SSH2: variants seen among roughly 807,000 people sequenced by gnomAD.
SSH2 encodes the protein protein phosphatase Slingshot homolog 2.
A neutral mutation model predicts 135.2 loss-of-function variants in SSH2; 37 were observed. That is an observed-to-expected ratio of 0.27 (90% CI 0.21 to 0.36). The LOEUF is 0.36. Among genes scored for constraint, SSH2 ranks in the 10% least tolerant of loss-of-function variants. The pLI is 1.00. For missense variants in SSH2, 1,408 were observed against 1,765.3 expected, an observed-to-expected ratio of 0.80 and a Z score of 3.63; for synonymous variants, 628 against 646.2, an observed-to-expected ratio of 0.97 and a Z score of 0.43.
chr17:29,733,652 A>G (rs977021960), intron 3 of SSH2, among the ~76,000 whole-genome samples: 2 of 152,234 alleles, frequency 1.3e-5, no homozygotes, highest in African/African-American at 4.8e-5. Context: ...AACTTAACAT[A>G]GTTCATATGC....
intron 3 of SSH2, among the ~76,000 whole-genome samples, chr17:29,732,170 A>G (rs2151189038): frequency 6.6e-6 from 1 of 152,316 alleles, no homozygotes; most frequent in African/African-American, 2.4e-5. Context: ...CTTCATTTGT[A>G]AAACTAAATT....
intron 1 of SSH2, among the ~76,000 whole-genome samples, chr17:29,901,210 A>T (rs945665542): frequency 2.0e-5 from 3 of 152,120 alleles, no homozygotes; most frequent in Non-Finnish European, 4.4e-5. Context: ...GCACACCAAC[A>T]TGGCATATGT....
intron 3 of SSH2, chr17:29,761,182 G>C: frequency 7.8e-7 from 1 of 1,289,832 alleles, no homozygotes; most frequent in Non-Finnish European, 1.0e-6. Flanking sequence ...AGATGACCGC[G>C]TTGGCGGAGA....
intron 1 of SSH2, among the ~76,000 whole-genome samples, chr17:29,905,809 C>A (rs1381133971): frequency 6.6e-6 from 1 of 152,144 alleles, no homozygotes; most frequent in Non-Finnish European, 1.5e-5. Flanking sequence ...AATCTGCATG[C>A]ACTTCCTCAC....
intron 5 of SSH2, among the ~76,000 whole-genome samples, chr17:29,687,126 C>T (rs1000795991): frequency 4.6e-5 from 7 of 152,046 alleles, no homozygotes; most frequent in African/African-American, 1.7e-4. Flanking sequence ...TTTTTCAGTG[C>T]TGCTGTTCTT....
At chr17:29,922,419 G>A (rs1433281159) in intron 1 of SSH2, among the ~76,000 whole-genome samples, 2 of 152,138 alleles carry the variant, frequency 1.3e-5, no homozygotes, top group Non-Finnish European at 2.9e-5. Flanking sequence ...AAGGAAATAC[G>A]ATTGAAGTGA....
At position 29,667,196 on chromosome 17, in the gene SSH2, C is replaced by G; in HGVS notation, c.837G>C (p.Arg279Ser). 1.2e-6 allele frequency: 2 copies of G among 1,612,342 alleles called. No individual in the cohort carries two copies. Among genetic ancestry groups the G allele is most frequent in the Non-Finnish European group, 1.7e-6 (2 of 1,178,710 alleles). The change falls in exon 10 of 16, where the codon AGG becomes AGC. Residue 279 changes from arginine to serine, a missense_variant. By Grantham distance (110) the Arg-to-Ser change is moderately radical (BLOSUM62 -1). Transcript: ENST00000540801. ...TCTCCCTTAATTTGGTTTTAATTAG[C>G]CTTTCTGTTCGTTCACGTTCAGTAG... ...DIPTERERTERLIKTKLREIM... is the reference protein window; with the variant it reads ...DIPTERERTESLIKTKLREIM...
At chr17:29,795,388 A>G (rs900895923) in intron 2 of SSH2, among the ~76,000 whole-genome samples, 3 of 152,212 alleles carry the variant, frequency 2.0e-5, no homozygotes, top group African/African-American at 7.2e-5. Context: ...TTTTCCACAA[A>G]GGAAGAACAA....
At chr17:29,805,280 C>T (rs991776441) in intron 2 of SSH2, among the ~76,000 whole-genome samples, 5 of 151,924 alleles carry the variant, frequency 3.3e-5, no homozygotes, top group Admixed American at 1.3e-4. Flanking sequence ...CTCAGCCTCC[C>T]GAGTATTTGG....
chr17:29,719,296 G>T (rs887209685), intron 3 of SSH2, among the ~76,000 whole-genome samples: 1 of 152,174 alleles, frequency 6.6e-6, no homozygotes, highest in African/African-American at 2.4e-5. Flanking sequence ...TTTGGGAGTT[G>T]TGTGATGGTC....
chr17:29,730,973 C>A (rs575496665), intron 3 of SSH2, among the ~76,000 whole-genome samples: 1 of 152,272 alleles, frequency 6.6e-6, no homozygotes, highest in South Asian at 2.1e-4. Flanking sequence ...CATAAATGGA[C>A]TTACAGTTCT....
At chr17:29,654,949 C>T (rs1286152910) in intron 12 of SSH2, among the ~76,000 whole-genome samples, 1 of 152,094 alleles carries the variant, frequency 6.6e-6, no homozygotes, top group South Asian at 2.1e-4. Context: ...GCTCTGTGAA[C>T]CCTACATATG....
chr17:29,780,728 A>G (rs1055293991), intron 3 of SSH2: 1 of 146,990 alleles, frequency 6.8e-6, no homozygotes, highest in African/African-American at 2.5e-5. Context: ...CGGTCTAAAC[A>G]TTTTTTTAAA....
At chr17:29,759,970 T>C (rs1452997231) in intron 3 of SSH2, among the ~76,000 whole-genome samples, 1 of 152,222 alleles carries the variant, frequency 6.6e-6, no homozygotes, top group African/African-American at 2.4e-5. Flanking sequence ...AGTCAGTTTA[T>C]TTAATTGTGG....
chr17:29,754,487 T>C (rs1272023166), intron 3 of SSH2, among the ~76,000 whole-genome samples: 1 of 152,140 alleles, frequency 6.6e-6, no homozygotes. Context: ...AAAGCACTCA[T>C]GTGCTTCTAG....
rs2035678178 is a variant in SSH2 at position 29,631,643 on chromosome 17, T to C, written c.3551A>G (p.Gln1184Arg). 1 of 1,614,078 alleles carries C rather than the reference T, an allele frequency of 6.2e-7. No homozygotes were observed. Among genetic ancestry groups the C allele is most frequent in the African/African-American group, 1.3e-5 (1 of 74,940 alleles). Reference sequence around the variant, plus strand: ...CTCCTGACTTTCTTCCCAGCTAACCTGTTCTGCAGAGGGCTCATCTGTAGT... The same window carrying C: ...CTCCTGACTTTCTTCCCAGCTAACCCGTTCTGCAGAGGGCTCATCTGTAGT... Reference protein sequence around the residue: ...SSTTDEPSAEQVSWEESQESP... With the variant: ...SSTTDEPSAERVSWEESQESP... Residue 1184 changes from glutamine to arginine, a missense_variant, in exon 16 of 16, where the codon CAG becomes CGG. By Grantham distance (43) the Gln-to-Arg change is conservative. Around this residue, in one of 3 missense-constraint regions of SSH2, gnomAD observed 1,080 missense variants for 1,144.5 expected, o/e 0.94. Coordinates refer to ENST00000540801, the MANE Select transcript of SSH2 (RefSeq NM_001282129.2).
chr17:29,762,164 A>G (rs916767220), intron 3 of SSH2, among the ~76,000 whole-genome samples: 2 of 150,900 alleles, frequency 1.3e-5, no homozygotes, highest in African/African-American at 4.8e-5. Context: ...TACAGGCGTG[A>G]GCCAGGGCTC....
At chr17:29,778,947 G>T (rs1433313680) in intron 3 of SSH2, among the ~76,000 whole-genome samples, 3 of 150,230 alleles carry the variant, frequency 2.0e-5, no homozygotes, top group Admixed American at 2.0e-4. Flanking sequence ...ATAATATCCA[G>T]GAAAACAACT....
intron 3 of SSH2, among the ~76,000 whole-genome samples, chr17:29,725,821 T>C (rs1486194591): frequency 6.6e-6 from 1 of 151,966 alleles, no homozygotes; most frequent in African/African-American, 2.4e-5. Flanking sequence ...ACCTAGATGA[T>C]GGGTTGATAG....
Sources: allele counts gnomAD v4.1 joint callset (sites outside exome capture counted in the v4.1 genomes callset), GRCh38; gene constraint gnomAD v4.1.1; regional missense constraint gnomAD v4.1.1; transcripts MANE v1.5; gene names NCBI Gene and HGNC (gene_info 2026-07-23, HGNC 2026-07-21).